ANKRD13C: variants seen among roughly 807,000 people sequenced by gnomAD.
ANKRD13C encodes the protein ankyrin repeat domain 13C.
ANKRD13C carries 16 observed loss-of-function variants against 65.5 expected under a neutral mutation model. That is an observed-to-expected ratio of 0.24 (90% CI 0.17 to 0.37). The LOEUF (loss-of-function observed/expected upper bound fraction) is 0.37, where lower values mean the gene tolerates loss of function less well. Among genes scored for constraint, ANKRD13C ranks in the 10% least tolerant of loss-of-function variants. The pLI, the probability that ANKRD13C is intolerant of heterozygous loss-of-function variation, is 1.00. For synonymous variants in ANKRD13C, 235 were observed against 238.7 expected, an observed-to-expected ratio of 0.98 and a Z score of 0.14; for missense variants, 503 against 655.9, an observed-to-expected ratio of 0.77 and a Z score of 2.55.
At chr1:70,340,870 T>C (rs1376688669) in intron 1 of ANKRD13C, among the ~76,000 whole-genome samples, 3 of 152,172 alleles carry the variant, frequency 2.0e-5, no homozygotes, top group Non-Finnish European at 2.9e-5. Context: ...CCCAGCACTT[T>C]TGGAGGCCGA....
intron 12 of ANKRD13C, among the ~76,000 whole-genome samples, chr1:70,265,826 A>G (rs1445774496): frequency 9.3e-6 from 1 of 107,832 alleles, no homozygotes; most frequent in African/African-American, 3.8e-5. Flanking sequence ...CCTTGCCTCA[A>G]AAAAAAAAAA....
At chr1:70,262,964 T>C (rs1450861539) in intron 12 of ANKRD13C, 117 bp from the exon 13 acceptor site, 1 of 620,410 alleles carries the variant, frequency 1.6e-6, no homozygotes, top group Non-Finnish European at 2.4e-6. Flanking sequence ...AAAAAAATAC[T>C]CAAGAACCAG....
intron 1 of ANKRD13C, among the ~76,000 whole-genome samples, chr1:70,343,487 TA>T (rs1682396262): frequency 6.6e-6 from 1 of 152,222 alleles, no homozygotes; most frequent in South Asian, 2.1e-4. Flanking sequence ...CTTGGTAAAC[TA>T]AATCGAATTG....
In ANKRD13C at chr1:70,262,035, T is replaced by C. The variant is rs767160513; in HGVS notation, c.*682A>G. On this transcript the variant is annotated 3_prime_UTR_variant, in exon 13 of 13. Coordinates refer to ENST00000370944, the MANE Select transcript of ANKRD13C (RefSeq NM_030816.5). Reference sequence around the variant, plus strand: ...AAAAACAAATAGCACCACAATGAATTGCACTAAGGTGCTAAAGGAGGTACC... The same window carrying C: ...AAAAACAAATAGCACCACAATGAATCGCACTAAGGTGCTAAAGGAGGTACC... 18 of 152,588 alleles carry C rather than the reference T, an allele frequency of 1.2e-4. No homozygotes were observed. The highest frequency in any genetic ancestry group is 1.2e-3 in the Admixed American group (18 of 15,286). 9.5% of individuals were successfully genotyped at this position (152,588 alleles called of 1,614,324 possible).
intron 9 of ANKRD13C, among the ~76,000 whole-genome samples, chr1:70,285,618 T>C (rs1325822123): frequency 1.3e-5 from 2 of 151,440 alleles, no homozygotes; most frequent in Non-Finnish European, 2.9e-5. Flanking sequence ...CATTAAATAA[T>C]AGAGTTAAAC....
intron 5 of ANKRD13C, among the ~76,000 whole-genome samples, chr1:70,307,164 C>T (rs1426349833): frequency 1.3e-5 from 2 of 152,086 alleles, no homozygotes; most frequent in Non-Finnish European, 2.9e-5. Flanking sequence ...GAAACAAAGA[C>T]TCTAGAGAAA....
Position 70,273,230 on chromosome 1 carries a change from T to C in ANKRD13C, c.1394+1490A>G, listed in dbSNP as rs774333253. Among the ~76,000 whole-genome samples, 8 of 152,180 alleles carry C rather than the reference T, an allele frequency of 5.3e-5. No homozygotes were observed. In the South Asian group the frequency reaches 1.7e-3, roughly 32 times the overall value. ...GGTATGTATGTACTTTTTAAAAATATATGCACCCTGCTCTCTTCTCCGATC... is the reference window on the plus strand; with the variant it reads ...GGTATGTATGTACTTTTTAAAAATACATGCACCCTGCTCTCTTCTCCGATC... On this transcript the variant is annotated intron_variant, in intron 11 of 12. Transcript: ENST00000370944.
intron 12 of ANKRD13C, among the ~76,000 whole-genome samples, chr1:70,264,543 T>C (rs1678527441): frequency 1.3e-5 from 2 of 152,026 alleles, no homozygotes; most frequent in African/African-American, 4.8e-5. Flanking sequence ...AACAGCTTTT[T>C]TGGAACACAA....
intron 9 of ANKRD13C, among the ~76,000 whole-genome samples, chr1:70,284,878 C>A (rs1359333619): frequency 2.0e-5 from 3 of 152,086 alleles, no homozygotes; most frequent in African/African-American, 4.8e-5. Flanking sequence ...AGTTTTCATT[C>A]CTGTTGTTTT....
At chr1:70,318,277 C>A (rs1289983291) in intron 3 of ANKRD13C, among the ~76,000 whole-genome samples, 1 of 152,136 alleles carries the variant, frequency 6.6e-6, no homozygotes, top group Non-Finnish European at 1.5e-5. Flanking sequence ...TAAAAGAATT[C>A]ATACAAAGAC....
intron 1 of ANKRD13C, among the ~76,000 whole-genome samples, chr1:70,345,392 G>C (rs1172819160): frequency 6.6e-6 from 1 of 151,246 alleles, no homozygotes; most frequent in African/African-American, 2.4e-5. Context: ...TCGCACCATT[G>C]CACTCCAGCC....
rs1425178570 is a variant in ANKRD13C, at chr1:70,261,854, T to C, written c.*863A>G. On this transcript the variant is annotated 3_prime_UTR_variant, in exon 13 of 13. Coordinates refer to ENST00000370944, the MANE Select transcript of ANKRD13C (RefSeq NM_030816.5). ...TTATTAGGAAGCAAGTTTAAAAATTTGGATTTTTTTTTAAAGTGCTGAGAT... is the reference window on the plus strand; with the variant it reads ...TTATTAGGAAGCAAGTTTAAAAATTCGGATTTTTTTTTAAAGTGCTGAGAT... 6.6e-6 allele frequency: 1 copy of C among 152,324 alleles called. No individual in the cohort carries two copies. Among genetic ancestry groups the C allele is most frequent in the East Asian group, 1.9e-4 (1 of 5,186 alleles). The allele number at this position is 152,324 out of a possible 1,614,324, so 9.4% of individuals were successfully genotyped here. A position where few individuals can be genotyped will look rare whatever the true frequency, so the allele number is the denominator to read the frequency against.
At position 70,354,658 on chromosome 1, in the gene ANKRD13C, C is replaced by G; in HGVS notation, c.-250G>C. On this transcript the variant is annotated 5_prime_UTR_variant, in exon 1 of 13. Transcript: ENST00000370944. The stretch of plus-strand genomic sequence containing the variant: ...GCCCACGACACCAGGATCTCAGTCT[C>G]GCCGTCGCAGCCGCCGTCGCTGCCT... 1.1e-6 allele frequency: 1 copy of G among 921,528 alleles called. No homozygotes were observed. Among genetic ancestry groups the G allele is most frequent in the Non-Finnish European group, 1.6e-6 (1 of 632,924 alleles). 57.1% of individuals were successfully genotyped at this position (921,528 alleles called of 1,614,324 possible). A position where few individuals can be genotyped will look rare whatever the true frequency, so the allele number is the denominator to read the frequency against.
At chr1:70,277,589 A>G (rs1679197904) in intron 9 of ANKRD13C, among the ~76,000 whole-genome samples, 1 of 152,190 alleles carries the variant, frequency 6.6e-6, no homozygotes, top group South Asian at 2.1e-4. Context: ...GATTATAGAA[A>G]ATAGAAAATA....
intron 11 of ANKRD13C, among the ~76,000 whole-genome samples, chr1:70,271,416 T>C (rs1282638767): frequency 1.3e-5 from 2 of 152,226 alleles, no homozygotes; most frequent in African/African-American, 4.8e-5. Context: ...CTATATCATA[T>C]TAGTCATTAT....
chr1:70,278,835 T>C (rs991551789), intron 9 of ANKRD13C, among the ~76,000 whole-genome samples: 6 of 152,180 alleles, frequency 3.9e-5, no homozygotes, highest in African/African-American at 1.4e-4. Flanking sequence ...TTATGTCAAC[T>C]TAACTCACTT....
Position 70,274,831 on chromosome 1 carries a change from G to A in ANKRD13C, c.1296-13C>T. 5.8e-6 allele frequency: 9 copies of A among 1,564,286 alleles called. No individual in the cohort carries two copies. Among genetic ancestry groups the A allele is most frequent in the Non-Finnish European group, 7.9e-6 (9 of 1,139,018 alleles). On this transcript the variant is annotated splice_polypyrimidine_tract_variant and intron_variant, in intron 10 of 12. Coordinates refer to ENST00000370944, the MANE Select transcript of ANKRD13C (RefSeq NM_030816.5). ...CAGATGAGGAGCTCTAAAATGGGAG[G>A]AAAAAAAATGTTAGGAAACTTTTTC...
At position 70,265,182 on chromosome 1, in the gene ANKRD13C, CTG is replaced by C. The variant is rs565037945; in HGVS notation, c.1496-2337_1496-2336del. On this transcript the variant is annotated intron_variant, in intron 12 of 12. Coordinates refer to ENST00000370944, the MANE Select transcript of ANKRD13C (RefSeq NM_030816.5). ...GGGTGTGACCGGGGTAGTACTATAACTGGAGTTTTGGCAGATGTAGTGAGAAT... is the reference window on the plus strand; with the variant it reads ...GGGTGTGACCGGGGTAGTACTATAACGAGTTTTGGCAGATGTAGTGAGAAT... Among the ~76,000 whole-genome samples the C allele has an allele frequency of 2.6e-3, 397 of 152,184 alleles. 4 individuals carry two copies. The highest frequency in any genetic ancestry group is 8.7e-3 in the African/African-American group (362 of 41,524).
intron 11 of ANKRD13C, among the ~76,000 whole-genome samples, chr1:70,271,816 T>G (rs1678894230): frequency 6.6e-6 from 1 of 152,218 alleles, no homozygotes; most frequent in Non-Finnish European, 1.5e-5. Context: ...TTCTATCATA[T>G]TTTGAATATT....
Sources: gnomAD v4.1 joint callset for allele counts (sites outside exome capture counted in the v4.1 genomes callset) on GRCh38, gnomAD v4.1.1 for gene constraint, MANE v1.5 for transcripts, NCBI Gene and HGNC (gene_info 2026-07-23, HGNC 2026-07-21) for gene names.